The following EIF4E3 variants were observed in gnomAD, a reference collection of about 807,000 sequenced individuals.
EIF4E3 encodes the protein eukaryotic translation initiation factor 4E family member 3, also known as eukaryotic translation initiation factor 4E type 3.
A neutral mutation model predicts 31.7 loss-of-function variants in EIF4E3; 26 were observed. That is an observed-to-expected ratio of 0.82 (90% CI 0.60 to 1.14). The LOEUF (loss-of-function observed/expected upper bound fraction) is 1.14, where lower values mean the gene tolerates loss of function less well. EIF4E3 is among the 50% of genes most tolerant of loss of function. The probability of loss-of-function intolerance (pLI) is 0.00; values close to 1 mark genes in which losing one functional copy is unlikely to be tolerated. For synonymous variants in EIF4E3, 128 were observed against 107.7 expected, an observed-to-expected ratio of 1.19 and a Z score of -1.17; for missense variants, 304 against 270.9, an observed-to-expected ratio of 1.12 and a Z score of -0.86.
At chr3:71,728,017 A>G (rs2049661091), upstream of EIF4E3, among the ~76,000 whole-genome samples, 1 of 152,214 alleles carries the variant, frequency 6.6e-6, no homozygotes, top group South Asian at 2.1e-4. Context: ...CAGGCTGCTC[A>G]TAATTACATT....
chr3:71,725,634 C>G (rs2049628111), upstream of EIF4E3, among the ~76,000 whole-genome samples: 1 of 151,876 alleles, frequency 6.6e-6, no homozygotes, highest in South Asian at 2.1e-4. This position sits in a 1 kb window ranked among gnomAD's most constrained non-coding sequence, Gnocchi z 6.1. Flanking sequence ...GCGGGCCCAG[C>G]GTGGGAGACT....
the EIF4E3 span, among the ~76,000 whole-genome samples, chr3:71,659,996 C>T: frequency 6.6e-6 from 1 of 152,232 alleles, no homozygotes; most frequent in Non-Finnish European, 1.5e-5. Flanking sequence ...GGGAGCCTGA[C>T]AGATGTCAGA....
At chr3:71,713,764 T>C (rs956465230) in intron 1 of EIF4E3, among the ~76,000 whole-genome samples, 15 of 152,190 alleles carry the variant, frequency 9.9e-5, no homozygotes, top group Admixed American at 6.5e-5. Context: ...TACAAGATTG[T>C]ATTCATATAA....
At chr3:71,689,384 T>C (rs1022383541) in intron 6 of EIF4E3, among the ~76,000 whole-genome samples, 3 of 152,188 alleles carry the variant, frequency 2.0e-5, no homozygotes, top group Non-Finnish European at 4.4e-5. Context: ...GTTTTCATTA[T>C]GAAAAAGAAG....
chr3:71,725,520 A>G, upstream of EIF4E3: 1 of 285,154 alleles, frequency 3.5e-6, no homozygotes, highest in Non-Finnish European at 5.0e-6. The surrounding 1 kb of genome is among the most constrained non-coding windows in gnomAD (Gnocchi z 6.1). Context: ...CGCCGCCTTC[A>G]GGGCCTGGGA....
intron 1 of EIF4E3, among the ~76,000 whole-genome samples, chr3:71,752,887 T>C (rs894539042): frequency 3.3e-5 from 5 of 152,168 alleles, no homozygotes; most frequent in Non-Finnish European, 7.3e-5. Context: ...GCGGTGTGTC[T>C]GAGAATCATA....
At chr3:71,700,847 G>C (rs575219177) in intron 2 of EIF4E3, among the ~76,000 whole-genome samples, 37 of 152,304 alleles carry the variant, frequency 2.4e-4, no homozygotes, top group African/African-American at 8.7e-4. Context: ...GTCTTCCCCA[G>C]ATTCATATGC....
In EIF4E3 at chr3:71,690,181, G is replaced by GA. The variant is rs763730519; in HGVS notation, c.473-17dup. 50,182 of 1,037,972 alleles carry GA rather than the reference G, an allele frequency of 0.048. 22 individuals are homozygous for GA. The highest frequency in any genetic ancestry group is 0.068 in the South Asian group (3,923 of 57,660). 64.3% of individuals were successfully genotyped at this position (1,037,972 alleles called of 1,614,324 possible). On this transcript the variant is annotated splice_polypyrimidine_tract_variant and intron_variant, in intron 5 of 6. Coordinates refer to ENST00000425534, the MANE Select transcript of EIF4E3 (RefSeq NM_001134651.2). ...ACTTCATCATCTGAGGGGAAGACAG[G>GA]AAAAAAAAAAAATGAGTGATACTTC...
chr3:71,667,648 T>G, the EIF4E3 span, among the ~76,000 whole-genome samples: 1 of 152,198 alleles, frequency 6.6e-6, no homozygotes, highest in African/African-American at 2.4e-5. Flanking sequence ...GAACTCCCAT[T>G]CACAATTGCT....
intron 3 of EIF4E3, among the ~76,000 whole-genome samples, chr3:71,697,736 G>A (rs1401682659): frequency 2.0e-5 from 3 of 151,966 alleles, no homozygotes; most frequent in African/African-American, 7.3e-5. Flanking sequence ...TGTTGCAAAT[G>A]GCAGAATTTC....
In EIF4E3 at chr3:71,725,063, A is replaced by G; in HGVS notation, c.176+129T>C. Reference sequence around the variant, plus strand: ...GGCGAGTCCCGGGGTGCGCAGGCGGACGCGCGGAGGGGCCGAGGTCTGTGC... The same window carrying G: ...GGCGAGTCCCGGGGTGCGCAGGCGGGCGCGCGGAGGGGCCGAGGTCTGTGC... On this transcript the variant is annotated intron_variant, in intron 1 of 6. Transcript: ENST00000425534. The surrounding 1 kb of genome is among the most constrained non-coding windows in gnomAD (Gnocchi z 6.1). The G allele has an allele frequency of 1.5e-6, 1 of 688,322 alleles. No individual in the cohort carries two copies. Among genetic ancestry groups the G allele is most frequent in the Non-Finnish European group, 1.8e-6 (1 of 555,058 alleles). 42.6% of individuals were successfully genotyped at this position (688,322 alleles called of 1,614,324 possible). A position where few individuals can be genotyped will look rare whatever the true frequency, so the allele number is the denominator to read the frequency against.
At chr3:71,719,749 G>T (rs1293092225) in intron 1 of EIF4E3, among the ~76,000 whole-genome samples, 1 of 151,962 alleles carries the variant, frequency 6.6e-6, no homozygotes, top group Non-Finnish European at 1.5e-5. Flanking sequence ...GTTTGGACAG[G>T]GCGCCTCTAA....
intron 1 of EIF4E3, among the ~76,000 whole-genome samples, chr3:71,719,497 G>T (rs2049513579): frequency 6.6e-6 from 1 of 151,212 alleles, no homozygotes. Flanking sequence ...ATTGGGTAGG[G>T]TTGGTGACAG....
chr3:71,723,038 C>T (rs1445891690), intron 1 of EIF4E3, among the ~76,000 whole-genome samples: 1 of 152,136 alleles, frequency 6.6e-6, no homozygotes, highest in Non-Finnish European at 1.5e-5. Flanking sequence ...AGGTAGGATG[C>T]CAAAGGGGAG....
upstream of EIF4E3, chr3:71,754,295 G>A (rs755839207): frequency 1.7e-6 from 2 of 1,148,194 alleles, no homozygotes; most frequent in East Asian, 4.3e-5. This position sits in a 1 kb window ranked among gnomAD's most constrained non-coding sequence, Gnocchi z 5.8. Context: ...CGCGGCGTGC[G>A]GCGGCCGCGG....
chr3:71,753,966 G>C, upstream of EIF4E3: 1 of 1,033,468 alleles, frequency 9.7e-7, no homozygotes, highest in South Asian at 4.4e-5. Flanking sequence ...CCGGCGGAGC[G>C]GCGGAGCTCG....
upstream of EIF4E3, chr3:71,754,274 C>G: frequency 8.3e-7 from 1 of 1,199,866 alleles, no homozygotes; most frequent in East Asian, 3.9e-5. This position sits in a 1 kb window ranked among gnomAD's most constrained non-coding sequence, Gnocchi z 5.8. Flanking sequence ...TCCCGGCCGT[C>G]ATGCTGGCGG....
chr3:71,684,503 A>C lies in EIF4E3; in HGVS notation c.*179T>G. 1 of 487,862 alleles carries C rather than the reference A, an allele frequency of 2.0e-6. No individual in the cohort carries two copies. The allele number at this position is 487,862 out of a possible 1,614,324, so 30.2% of individuals were successfully genotyped here. A position where few individuals can be genotyped will look rare whatever the true frequency, so the allele number is the denominator to read the frequency against. ...GCAAGTAATGTGACGGTAGAAACCC[A>C]CACAATCTCCCCCCACCCCACCTGC... On this transcript the variant is annotated 3_prime_UTR_variant, in exon 7 of 7. Transcript: ENST00000425534.
Position 71,693,876 on chromosome 3 carries a change from T to C in EIF4E3, c.471A>G (p.Ala157=), listed in dbSNP as rs531732739. 2 of 1,564,088 alleles carry C rather than the reference T, an allele frequency of 1.3e-6. No individual in the cohort carries two copies. The highest frequency in any genetic ancestry group is 2.4e-5 in the South Asian group (2 of 84,648). ...GGCCGGAGCCGTGGGCTGCTTTACCTGCTGCGGCACAGTCTGTGAACTGTT... is the reference window on the plus strand; with the variant it reads ...GGCCGGAGCCGTGGGCTGCTTTACCCGCTGCGGCACAGTCTGTGAACTGTT... ...IGEQFTDCAA[A]DDEVIGVSVS... is the part of the protein sequence containing the mutation. Residue 157 remains alanine, a splice_region_variant and synonymous_variant, in exon 5 of 7, where the codon GCA becomes GCG. Coordinates refer to ENST00000425534, the MANE Select transcript of EIF4E3 (RefSeq NM_001134651.2).
Sources: gnomAD v4.1 joint callset for allele counts (sites outside exome capture counted in the v4.1 genomes callset) on GRCh38, gnomAD v4.1.1 for gene constraint, Gnocchi (gnomAD v3.1) non-coding constraint, MANE v1.5 for transcripts, NCBI Gene and HGNC (gene_info 2026-07-23, HGNC 2026-07-21) for gene names.